Variants in DCLK3 observed in about 807,000 individuals in gnomAD.
DCLK3 encodes doublecortin like kinase 3, also known as serine/threonine-protein kinase DCLK3.
DCLK3 carries 30 observed loss-of-function variants against 46.4 expected under a neutral mutation model. The observed-to-expected ratio is 0.65, with a 90% CI of 0.48 to 0.88. The LOEUF (loss-of-function observed/expected upper bound fraction) is 0.88. DCLK3 is among the 40% of genes least tolerant of loss of function. The pLI, the probability that DCLK3 is intolerant of heterozygous loss-of-function variation, is 0.00. For missense variants in DCLK3, 846 were observed against 907.1 expected (o/e 0.93, Z 0.87); for synonymous variants, 401 against 339.2 (o/e 1.18, Z -2.00).
intron 2 of DCLK3, among the ~76,000 whole-genome samples, chr3:36,735,611 T>C (rs2063161): frequency 0.8 from 121,116 of 152,132 alleles, 48,630 homozygotes; most frequent in Middle Eastern, 0.88. Flanking sequence ...AAGAAAACAG[T>C]GTAAATCCCT....
intron 2 of DCLK3, among the ~76,000 whole-genome samples, chr3:36,736,821 A>G (rs1165124253): frequency 2.6e-5 from 4 of 152,162 alleles, no homozygotes; most frequent in Non-Finnish European, 4.4e-5. Context: ...CAAAAAGACC[A>G]AAGTGGCATC....
At chr3:36,746,722 C>G (rs1164161305) in intron 1 of DCLK3, among the ~76,000 whole-genome samples, 2 of 152,268 alleles carry the variant, frequency 1.3e-5, no homozygotes, top group Non-Finnish European at 2.9e-5. Flanking sequence ...CCTGCTGTCA[C>G]TGACGTGTCT....
At chr3:36,728,943 G>A (rs1701158849) in intron 2 of DCLK3, among the ~76,000 whole-genome samples, 3 of 152,136 alleles carry the variant, frequency 2.0e-5, no homozygotes. Context: ...TCTCCTGTGA[G>A]CTGGTTACAG....
chr3:36,754,262 C>A (rs1434579279), intron 1 of DCLK3, among the ~76,000 whole-genome samples: 1 of 152,124 alleles, frequency 6.6e-6, no homozygotes, highest in African/African-American at 2.4e-5. Context: ...ATCTACAATC[C>A]TTGGACATCA....
intron 1 of DCLK3, among the ~76,000 whole-genome samples, chr3:36,743,163 T>G (rs1575144273): frequency 6.6e-6 from 1 of 152,022 alleles, no homozygotes; most frequent in African/African-American, 2.4e-5. Flanking sequence ...TGCAAACTTT[T>G]TGAGCACTGA....
intron 2 of DCLK3, among the ~76,000 whole-genome samples, chr3:36,733,885 G>A (rs894134333): frequency 6.6e-6 from 1 of 152,142 alleles, no homozygotes; most frequent in African/African-American, 2.4e-5. Flanking sequence ...TTCATTAGGA[G>A]CTTTTAGCAC....
intron 1 of DCLK3, among the ~76,000 whole-genome samples, chr3:36,744,660 A>G: frequency 6.6e-6 from 1 of 152,220 alleles, no homozygotes; most frequent in East Asian, 1.9e-4. Flanking sequence ...TATTTTTCAC[A>G]TGTTCATAAA....
At position 36,737,588 on chromosome 3, in the gene DCLK3, T is replaced by G; in HGVS notation, c.1579A>C (p.Thr527Pro). 6.2e-7 allele frequency: 1 copy of G among 1,613,970 alleles called. No individual in the cohort carries two copies. Among genetic ancestry groups the G allele is most frequent in the Non-Finnish European group, 8.5e-7 (1 of 1,179,988 alleles). ...TTCCCATCCCCAATGACCCGGCCAG[T>G]CTCATAATGCTTTTCCACATTGGCG... Reference protein sequence around the residue: ...IAANVEKHYETGRVIGDGNFA... With the variant: ...IAANVEKHYEPGRVIGDGNFA... Residue 527 changes from threonine to proline, a missense_variant, in exon 2 of 5, where the codon ACT becomes CCT. Physicochemically the swap from Thr to Pro is conservative, Grantham distance 38. Coordinates refer to ENST00000636136, the MANE Select transcript of DCLK3 (RefSeq NM_001394672.2). The surrounding 1 kb of genome is among the most constrained non-coding windows in gnomAD (Gnocchi z 4.4).
intron 1 of DCLK3, among the ~76,000 whole-genome samples, chr3:36,749,961 A>G (rs573908674): frequency 1.3e-5 from 2 of 152,356 alleles, no homozygotes; most frequent in African/African-American, 4.8e-5. Context: ...CCATCAAAGG[A>G]GACAACTTAA....
intron 1 of DCLK3, among the ~76,000 whole-genome samples, chr3:36,751,327 C>T (rs895420978): frequency 6.6e-6 from 1 of 152,190 alleles, no homozygotes; most frequent in African/African-American, 2.4e-5. Flanking sequence ...GGTGGAGCAC[C>T]AAGCAGTCCT....
rs547756458 is a variant in DCLK3 at position 36,716,164 on chromosome 3, C to T, written c.2261-643G>A. On this transcript the variant is annotated intron_variant, in intron 4 of 4. Coordinates refer to ENST00000636136, the MANE Select transcript of DCLK3 (RefSeq NM_001394672.2). ...AGAAATGAGGGCCCAACTGGTGGGC[C>T]CAGCAGCAGGCAGAAAGCAGAAGAG... is the stretch of plus-strand genomic sequence containing the variant. Among the ~76,000 whole-genome samples the T allele has an allele frequency of 3.3e-5, 5 of 152,240 alleles. No individual in the cohort carries two copies. In the East Asian group the frequency reaches 7.7e-4, roughly 23 times the overall value.
chr3:36,728,799 C>G (rs1365787328), intron 2 of DCLK3, among the ~76,000 whole-genome samples: 1 of 152,174 alleles, frequency 6.6e-6, no homozygotes, highest in Non-Finnish European at 1.5e-5. Context: ...TTCTGTCTCT[C>G]TAGAGAACTC....
At chr3:36,727,578 T>C (rs1357121876) in intron 2 of DCLK3, among the ~76,000 whole-genome samples, 1 of 152,230 alleles carries the variant, frequency 6.6e-6, no homozygotes. Context: ...ATGCCTCTTC[T>C]AGTTTCTTCA....
chr3:36,751,063 TAAAAA>T (rs5847933), intron 1 of DCLK3, among the ~76,000 whole-genome samples: 1 of 76,494 alleles, frequency 1.3e-5, no homozygotes, highest in African/African-American at 5.6e-5. Context: ...CGGGATGATC[TAAAAA>T]AAAAAAAAAA....
chr3:36,763,090 G>C (rs1701553291), intron 1 of DCLK3, among the ~76,000 whole-genome samples: 1 of 152,160 alleles, frequency 6.6e-6, no homozygotes, highest in Non-Finnish European at 1.5e-5. Context: ...CAGTTACACA[G>C]ACACTTCACA....
chr3:36,749,208 G>A (rs1196345446), intron 1 of DCLK3, among the ~76,000 whole-genome samples: 3 of 152,164 alleles, frequency 2.0e-5, no homozygotes, highest in African/African-American at 4.8e-5. Flanking sequence ...GCTGAGTTTC[G>A]CTTTTCTCAG....
At chr3:36,742,556 G>C (rs896806267) in intron 1 of DCLK3, among the ~76,000 whole-genome samples, 1 of 152,228 alleles carries the variant, frequency 6.6e-6, no homozygotes, top group Non-Finnish European at 1.5e-5. Flanking sequence ...TTGGTCTGCA[G>C]CAAAAGTGAC....
rs140888824 is a variant in DCLK3, at chr3:36,737,973, T to C, written c.1194A>G (p.Pro398=). 2.9e-3 allele frequency: 4,605 copies of C among 1,614,196 alleles called. 191 individuals are homozygous for C. The Admixed American group carries it at 0.071, about 25-fold the overall frequency. The change falls in exon 2 of 5, where the codon CCA becomes CCG. Residue 398 remains proline (P), a synonymous_variant. Transcript: ENST00000636136. This position sits in a 1 kb window ranked among gnomAD's most constrained non-coding sequence, Gnocchi z 4.4. The part of the protein sequence containing the change: ...KSMDKKEDRG[P]EDQESHAQGA... ...CCTGAGCATGGCTTTCTTGATCCTC[T>C]GGGCCTCTGTCCTCTTTCTTGTCCA...
intron 2 of DCLK3, among the ~76,000 whole-genome samples, chr3:36,726,793 A>C (rs1247867818): frequency 6.6e-6 from 1 of 152,222 alleles, no homozygotes; most frequent in Non-Finnish European, 1.5e-5. Context: ...CAGTCTGCAT[A>C]TAGAAACTGA....
Sources: gnomAD v4.1 joint callset for allele counts (sites outside exome capture counted in the v4.1 genomes callset) on GRCh38, gnomAD v4.1.1 for gene constraint, Gnocchi (gnomAD v3.1) non-coding constraint, MANE v1.5 for transcripts, NCBI Gene and HGNC (gene_info 2026-07-23, HGNC 2026-07-21) for gene names.